The following RRP12 variants were observed in gnomAD, a reference collection of about 807,000 sequenced individuals.
RRP12 encodes RRP12-like protein.
A neutral mutation model predicts 157.3 loss-of-function variants in RRP12; 78 were observed. The ratio of observed to expected loss-of-function variants is 0.50; its 90% confidence interval spans 0.41 to 0.60. The LOEUF (loss-of-function observed/expected upper bound fraction) is 0.60, where lower values mean the gene tolerates loss of function less well. Ranked by LOEUF, RRP12 falls within the 20% of genes least tolerant of loss-of-function variation. The probability of loss-of-function intolerance (pLI) is 0.00; values close to 1 mark genes in which losing one functional copy is unlikely to be tolerated. For missense variants in RRP12, 1,521 were observed against 1,679.9 expected (o/e 0.91, Z 1.65); for synonymous variants, 726 against 670.9 (o/e 1.08, Z -1.27).
In RRP12 at chr10:97,377,871, A is replaced by G. The variant is rs530839601; in HGVS notation, c.1798+1422T>C. 1.7e-4 allele frequency among the ~76,000 whole-genome samples: 26 copies of G among 152,066 alleles called. No homozygotes were observed. The South Asian group carries it at 4.4e-3, about 26-fold the overall frequency. The stretch of plus-strand genomic sequence containing the variant: ...AAAAAAAAAAAAAAAAGAAAAAAAA[A>G]GAAAATTTATTTACAAAAACAGACA... On this transcript the variant is annotated intron_variant, in intron 15 of 33. Transcript: ENST00000370992.
In RRP12 at chr10:97,390,395, C is replaced by A. The variant is rs781496521; in HGVS notation, c.753+28G>T. 3.8e-6 allele frequency: 6 copies of A among 1,560,254 alleles called. No individual in the cohort carries two copies. The East Asian group carries it at 1.3e-4, about 35-fold the overall frequency. ...GCTGAGTGGTGGCTGTCCCCTTGCC[C>A]CATTTTCTAGGGAGCTAGTAGTCTC... On this transcript the variant is annotated intron_variant, in intron 6 of 33. Transcript: ENST00000370992.
intron 25 of RRP12, among the ~76,000 whole-genome samples, chr10:97,368,897 C>T (rs1183491510): frequency 1.3e-5 from 2 of 152,222 alleles, no homozygotes; most frequent in African/African-American, 4.8e-5. Context: ...GTACAGTGCA[C>T]AGCTTGGCTG....
chr10:97,399,706 C>A (rs1845082861), intron 2 of RRP12, among the ~76,000 whole-genome samples: 1 of 145,274 alleles, frequency 6.9e-6, no homozygotes, highest in South Asian at 2.2e-4. Flanking sequence ...AATACACACA[C>A]ACAAAAAATT....
chr10:97,376,646 C>T (rs61863818), intron 15 of RRP12, among the ~76,000 whole-genome samples: 31,518 of 151,930 alleles, frequency 0.21, 3,775 homozygotes, highest in Middle Eastern at 0.3. Flanking sequence ...TGTGTGAGGT[C>T]GTCCTGTGCA....
At chr10:97,388,038 T>C in intron 8 of RRP12, 2 of 568,066 alleles carry the variant, frequency 3.5e-6, no homozygotes, top group South Asian at 4.3e-5. Context: ...ACCCTGACTC[T>C]GACCTGATCT....
chr10:97,376,949 G>A (rs1279621474), intron 15 of RRP12, among the ~76,000 whole-genome samples: 3 of 148,726 alleles, frequency 2.0e-5, no homozygotes, highest in Admixed American at 6.7e-5. Context: ...GTGCGATCTT[G>A]GCTCACTGCA....
intron 3 of RRP12, among the ~76,000 whole-genome samples, chr10:97,395,441 A>G (rs1844932233): frequency 1.3e-5 from 2 of 151,896 alleles, no homozygotes; most frequent in Non-Finnish European, 2.9e-5. Flanking sequence ...AATCCCAGGT[A>G]CTCAGGAGGC....
Position 97,390,779 on chromosome 10 carries a change from G to A in RRP12, c.596C>T (p.Ser199Leu). 6.2e-7 allele frequency: 1 copy of A among 1,613,976 alleles called. No individual in the cohort carries two copies. Among genetic ancestry groups the A allele is most frequent in the Non-Finnish European group, 8.5e-7 (1 of 1,179,844 alleles). Residue 199 changes from serine to leucine, a missense_variant, in exon 5 of 34, where the codon TCA (serine) becomes TTA (leucine). By Grantham distance (145) the Ser-to-Leu change is moderately radical. Coordinates refer to ENST00000370992, the MANE Select transcript of RRP12 (RefSeq NM_015179.4). ...GGTGGAGCCGCTGCTGGCCTGAGCT[G>A]ACATGATATCCATGAAGGCTTTGGA... ...DTSKAFMDIM[S>L]AQASSGSTSV...
intron 19 of RRP12, 22 bp downstream of exon 19, chr10:97,372,714 T>C: frequency 6.5e-7 from 1 of 1,549,698 alleles, no homozygotes; most frequent in East Asian, 2.4e-5. Context: ...CCAGCTCAAG[T>C]GGGAGGCCCT....
chr10:97,369,594 A>AG lies in RRP12; in HGVS notation c.2798-13dup, dbSNP rs1554877416. 1.9e-5 allele frequency: 29 copies of AG among 1,553,810 alleles called. No homozygotes were observed. Among genetic ancestry groups the AG allele is most frequent in the Non-Finnish European group, 2.3e-5 (26 of 1,148,192 alleles). ...GGTCCCCATCAGACCTGTGGCAGTG[A>AG]GGGGGTCACTGTCTAAGACACCCAG... On this transcript the variant is annotated splice_polypyrimidine_tract_variant and intron_variant, in intron 24 of 33. Coordinates refer to ENST00000370992, the MANE Select transcript of RRP12 (RefSeq NM_015179.4).
At chr10:97,394,539 G>T (rs1230492640) in intron 3 of RRP12, among the ~76,000 whole-genome samples, 2 of 151,954 alleles carry the variant, frequency 1.3e-5, no homozygotes, top group Non-Finnish European at 2.9e-5. Context: ...ACAGGCATGC[G>T]CCACAAAGCT....
Position 97,366,448 on chromosome 10 carries a change from A to G in RRP12, c.3389T>C (p.Leu1130Pro), listed in dbSNP as rs1220041905. The change falls in exon 28 of 34, where the codon CTG (leucine) becomes CCG (proline). Residue 1130 changes from leucine to proline, a missense_variant and splice_region_variant. Leu to Pro is a moderately conservative substitution (Grantham distance 98, BLOSUM62 -3). Transcript: ENST00000370992. ...GCACTGGCCAGCCCTGTGCTTACCCAGGACTCGTTGGGCCACCTTGGGATC... is the reference window on the plus strand; with the variant it reads ...GCACTGGCCAGCCCTGTGCTTACCCGGGACTCGTTGGGCCACCTTGGGATC... Reference protein sequence around the residue: ...FLDPKVAQRVLATQPGPGRGR... With the variant: ...FLDPKVAQRVPATQPGPGRGR... 1.6e-5 allele frequency: 25 copies of G among 1,610,194 alleles called. No homozygotes were observed. Among genetic ancestry groups the G allele is most frequent in the Non-Finnish European group, 2.0e-5 (23 of 1,178,080 alleles).
At chr10:97,387,168 T>C (rs1320474570) in intron 8 of RRP12, among the ~76,000 whole-genome samples, 3 of 152,126 alleles carry the variant, frequency 2.0e-5, no homozygotes, top group Non-Finnish European at 2.9e-5. Context: ...CTGGATTACT[T>C]ATAATACGTA....
At chr10:97,382,826 A>G (rs1242770918) in intron 10 of RRP12, among the ~76,000 whole-genome samples, 1 of 150,520 alleles carries the variant, frequency 6.6e-6, no homozygotes, top group Non-Finnish European at 1.5e-5. Context: ...CAGTGGTGCG[A>G]TCTCAGTTTA....
At position 97,401,286 on chromosome 10, in the gene RRP12, G is replaced by A. The variant is rs892983254; in HGVS notation, c.-55C>T. On this transcript the variant is annotated 5_prime_UTR_variant, in exon 1 of 34. Coordinates refer to ENST00000370992, the MANE Select transcript of RRP12 (RefSeq NM_015179.4). ...TAAATGACCGGCTTCCAGGGACGTAGAAACACGCTCAGAACCCACGTGGAT... is the reference window on the plus strand; with the variant it reads ...TAAATGACCGGCTTCCAGGGACGTAAAAACACGCTCAGAACCCACGTGGAT... 10 of 1,609,190 alleles carry A rather than the reference G, an allele frequency of 6.2e-6. No homozygotes were observed. In the African/African-American group the frequency reaches 9.4e-5, roughly 15 times the overall value.
Position 97,370,255 on chromosome 10 carries a change from G to A in RRP12, c.2709C>T (p.Leu903=), listed in dbSNP as rs539590216. The A allele has an allele frequency of 1.5e-5, 24 of 1,598,718 alleles. No homozygotes were observed. In the African/African-American group the frequency reaches 1.6e-4, roughly 11 times the overall value. Reference sequence around the variant, plus strand: ...CCACCAGGCCAGGGTAGATCAGGACGAGGTAGCACTGCAGGGCCTCTGGGG... The same window carrying A: ...CCACCAGGCCAGGGTAGATCAGGACAAGGTAGCACTGCAGGGCCTCTGGGG... ...SNQEEALQCY[L]VLIYPGLVGA... The change falls in exon 24 of 34, where the codon CTC becomes CTT. Residue 903 remains leucine (L), a synonymous_variant. Coordinates refer to ENST00000370992, the MANE Select transcript of RRP12 (RefSeq NM_015179.4).
At chr10:97,364,270 C>T (rs77911195) in intron 29 of RRP12, among the ~76,000 whole-genome samples, 8,212 of 152,234 alleles carry the variant, frequency 0.054, 281 homozygotes, top group Non-Finnish European at 0.063. Flanking sequence ...CCCATACACA[C>T]CCCCACTGTG....
At position 97,357,194 on chromosome 10, in the gene RRP12, T is replaced by C; in HGVS notation, c.3794A>G (p.Lys1265Arg). The C allele has an allele frequency of 6.2e-7, 1 of 1,600,502 alleles. No individual in the cohort carries two copies. The highest frequency in any genetic ancestry group is 1.1e-5 in the South Asian group (1 of 90,320). ...GAACTGTCCCTGCAGCTTCATCTTC[T>C]TCCTGCAGGGCCAAGGAACGGAAGG... ...PLNRSKLNRRKKMKLQGQFKG... is the reference protein window; with the variant it reads ...PLNRSKLNRRRKMKLQGQFKG... Residue 1265 changes from lysine (K) to arginine (R), a missense_variant and splice_region_variant, in exon 34 of 34, where the codon AAG (lysine) becomes AGG (arginine). Coordinates refer to ENST00000370992, the MANE Select transcript of RRP12 (RefSeq NM_015179.4).
chr10:97,359,820 A>C (rs1354209135), intron 31 of RRP12, among the ~76,000 whole-genome samples: 1 of 152,210 alleles, frequency 6.6e-6, no homozygotes, highest in African/African-American at 2.4e-5. Flanking sequence ...CCCAGGGCAC[A>C]GTAGGTGAGC....
Sources: allele counts gnomAD v4.1 joint callset (sites outside exome capture counted in the v4.1 genomes callset), GRCh38; gene constraint gnomAD v4.1.1; transcripts MANE v1.5; gene names NCBI Gene and HGNC (gene_info 2026-07-23, HGNC 2026-07-21).